The following WDR33 variants were observed in gnomAD, a reference collection of about 807,000 sequenced individuals.
WDR33 encodes the protein WD repeat domain 33, also known as pre-mRNA 3' end processing protein WDR33.
In WDR33, 47 loss-of-function variants were observed where a neutral mutation model predicts 164.9. The observed-to-expected ratio is 0.29, with a 90% CI of 0.23 to 0.36. WDR33 has a LOEUF of 0.36. Among genes scored for constraint, WDR33 ranks in the 10% least tolerant of loss-of-function variants. The pLI is 1.00. For missense variants in WDR33, 1,137 were observed against 1,754.1 expected (o/e 0.65, Z 6.28); for synonymous variants, 505 against 589.0 (o/e 0.86, Z 2.06).
chr2:127,800,132 C>T (rs1689184162), intron 1 of WDR33, among the ~76,000 whole-genome samples: 1 of 152,114 alleles, frequency 6.6e-6, no homozygotes. Context: ...TACCATGTGA[C>T]CCAGCAATTC....
Position 127,726,565 on chromosome 2 carries a change from A to G in WDR33, c.851+86T>C, listed in dbSNP as rs191262295. The G allele has an allele frequency of 2.3e-5, 35 of 1,533,690 alleles. No homozygotes were observed. The highest frequency in any genetic ancestry group is 2.7e-5 in the Non-Finnish European group (31 of 1,139,716). Reference sequence around the variant, plus strand: ...GCCTAAATGACTCTTCCAGAAATACATAAGAGAAAACAAAGCTAAAAGTTA... The same window carrying G: ...GCCTAAATGACTCTTCCAGAAATACGTAAGAGAAAACAAAGCTAAAAGTTA... On this transcript the variant is annotated intron_variant, in intron 8 of 21. Coordinates refer to ENST00000322313, the MANE Select transcript of WDR33 (RefSeq NM_018383.5). This position sits in a 1 kb window ranked among gnomAD's most constrained non-coding sequence, Gnocchi z 4.8.
intron 1 of WDR33, among the ~76,000 whole-genome samples, chr2:127,772,258 GAAAC>G (rs1005317904): frequency 6.6e-6 from 1 of 152,098 alleles, no homozygotes; most frequent in Admixed American, 6.5e-5. Context: ...CCAACATGGT[GAAAC>G]CCCGTCTCTA....
intron 7 of WDR33, among the ~76,000 whole-genome samples, chr2:127,740,383 T>G (rs1018899421): frequency 1.2e-4 from 18 of 147,764 alleles, no homozygotes; most frequent in Non-Finnish European, 2.6e-4. Context: ...GGATTTGTAT[T>G]TCTCTACACA....
In WDR33 at chr2:127,701,554, A is replaced by C. The variant is rs777910385; in HGVS notation, c.*4769T>G. ...ATGGCGGACCTCCACCGCCAGCTGC[A>C]GGAGTACCTGGCGCAGGGGAAAGCT... is the stretch of plus-strand genomic sequence containing the variant. On this transcript the variant is annotated 3_prime_UTR_variant, in exon 22 of 22. Coordinates refer to ENST00000322313, the MANE Select transcript of WDR33 (RefSeq NM_018383.5). 5.9e-6 allele frequency: 8 copies of C among 1,365,168 alleles called. No individual in the cohort carries two copies. The highest frequency in any genetic ancestry group is 7.6e-6 in the Non-Finnish European group (8 of 1,058,018). 84.6% of individuals were successfully genotyped at this position (1,365,168 alleles called of 1,614,324 possible). A position where few individuals can be genotyped will look rare whatever the true frequency, so the allele number is the denominator to read the frequency against.
chr2:127,747,105 T>G lies in WDR33; in HGVS notation c.724+15957A>C, dbSNP rs181224430. 3.4e-4 allele frequency among the ~76,000 whole-genome samples: 52 copies of G among 152,328 alleles called. No homozygotes were observed. The East Asian group carries it at 6.2e-3, about 18-fold the overall frequency. On this transcript the variant is annotated intron_variant, in intron 7 of 21. Coordinates refer to ENST00000322313, the MANE Select transcript of WDR33 (RefSeq NM_018383.5). Reference sequence around the variant, plus strand: ...TACAAAGCCTTATTTTCAAGGCACTTTAACCAAGAGAATACACCACAAATC... The same window carrying G: ...TACAAAGCCTTATTTTCAAGGCACTGTAACCAAGAGAATACACCACAAATC...
Position 127,717,229 on chromosome 2 carries a change from G to A in WDR33, c.2795C>T (p.Pro932Leu). ...TTGTGCTCCCTGCTGCCCTAGGCCTGGTATCAGGGGTGGGGGGCCTGTGCT... is the reference window on the plus strand; with the variant it reads ...TTGTGCTCCCTGCTGCCCTAGGCCTAGTATCAGGGGTGGGGGGCCTGTGCT... Reference protein sequence around the residue: ...GQSTGPPPLIPGLGQQGAQGR... With the variant: ...GQSTGPPPLILGLGQQGAQGR... The change falls in exon 17 of 22, where the codon CCA becomes CTA. Residue 932 changes from proline to leucine, a missense_variant. By Grantham distance (98) the Pro-to-Leu change is moderately conservative (BLOSUM62 -3). Coordinates refer to ENST00000322313, the MANE Select transcript of WDR33 (RefSeq NM_018383.5). This position sits in a 1 kb window ranked among gnomAD's most constrained non-coding sequence, Gnocchi z 5.6. 6.2e-7 allele frequency: 1 copy of A among 1,604,822 alleles called. No individual in the cohort carries two copies. The highest frequency in any genetic ancestry group is 1.3e-5 in the African/African-American group (1 of 74,658).
intron 7 of WDR33, among the ~76,000 whole-genome samples, chr2:127,732,431 C>T (rs1359778807): frequency 6.6e-6 from 1 of 152,050 alleles, no homozygotes; most frequent in Non-Finnish European, 1.5e-5. Context: ...AAATAATCCT[C>T]CTACCTCAGC....
chr2:127,742,617 A>G (rs1687051183), intron 7 of WDR33, among the ~76,000 whole-genome samples: 1 of 151,880 alleles, frequency 6.6e-6, no homozygotes, highest in Admixed American at 6.6e-5. Flanking sequence ...CCAGGAGACA[A>G]ACAGAAATCT....
intron 1 of WDR33, among the ~76,000 whole-genome samples, chr2:127,795,958 A>T (rs1689024400): frequency 6.6e-6 from 1 of 151,868 alleles, no homozygotes; most frequent in Non-Finnish European, 1.5e-5. Context: ...TTAGTTCTTT[A>T]AAAAAAAGTT....
chr2:127,797,388 A>T (rs1235193719), intron 1 of WDR33, among the ~76,000 whole-genome samples: 1 of 152,086 alleles, frequency 6.6e-6, no homozygotes, highest in African/African-American at 2.4e-5. Context: ...GCTACTTAGG[A>T]GGCTGAGGCA....
chr2:127,766,808 C>G (rs181226860), intron 4 of WDR33, among the ~76,000 whole-genome samples: 1 of 151,228 alleles, frequency 6.6e-6, no homozygotes, highest in Non-Finnish European at 1.5e-5. Flanking sequence ...TCGATCTTGT[C>G]GCCCAGGCTA....
chr2:127,702,169 C>T lies in WDR33; in HGVS notation c.*4154G>A, dbSNP rs1167193917. 3 of 1,214,326 alleles carry T rather than the reference C, an allele frequency of 2.5e-6. No individual in the cohort carries two copies. Among genetic ancestry groups the T allele is most frequent in the East Asian group, 3.3e-5 (1 of 29,944 alleles). 75.2% of individuals were successfully genotyped at this position (1,214,326 alleles called of 1,614,324 possible). A position where few individuals can be genotyped will look rare whatever the true frequency, so the allele number is the denominator to read the frequency against. On this transcript the variant is annotated 3_prime_UTR_variant, in exon 22 of 22. Coordinates refer to ENST00000322313, the MANE Select transcript of WDR33 (RefSeq NM_018383.5). ...GGCGCCGGCCTCGCCAAGGTGCTGC[C>T]CGTGTGAGGACCTCGCGCCCTCGCC...
At chr2:127,752,349 G>A (rs974609411) in intron 7 of WDR33, among the ~76,000 whole-genome samples, 1 of 151,970 alleles carries the variant, frequency 6.6e-6, no homozygotes, top group African/African-American at 2.4e-5. Flanking sequence ...CCAGCACTTT[G>A]GGAGGCCGAG....
chr2:127,755,427 C>T (rs1687490413), intron 7 of WDR33, among the ~76,000 whole-genome samples: 1 of 152,196 alleles, frequency 6.6e-6, no homozygotes. Context: ...AGCCATGTTC[C>T]TCTACCATGA....
chr2:127,808,920 C>T (rs1298325086), intron 1 of WDR33, among the ~76,000 whole-genome samples: 1 of 151,636 alleles, frequency 6.6e-6, no homozygotes, highest in East Asian at 1.9e-4. Flanking sequence ...GTCCCAGCTA[C>T]TCGGGAGGCT....
intron 1 of WDR33, among the ~76,000 whole-genome samples, chr2:127,792,827 T>C (rs1688887821): frequency 6.6e-6 from 1 of 152,160 alleles, no homozygotes; most frequent in African/African-American, 2.4e-5. Context: ...TCTGTTATCT[T>C]AGGAGAAAAT....
intron 21 of WDR33, among the ~76,000 whole-genome samples, chr2:127,707,242 A>G (rs952189694): frequency 3.3e-5 from 5 of 151,598 alleles, no homozygotes; most frequent in African/African-American, 9.7e-5. Flanking sequence ...AAAAAAAAAA[A>G]AAAGAAAAAA....
Position 127,709,880 on chromosome 2 carries a change from G to A in WDR33, c.3309-24C>T, listed in dbSNP as rs763294698. On this transcript the variant is annotated intron_variant, in intron 18 of 21. Coordinates refer to ENST00000322313, the MANE Select transcript of WDR33 (RefSeq NM_018383.5). The surrounding 1 kb of genome is among the most constrained non-coding windows in gnomAD (Gnocchi z 5.0). ...AACTGTAAAGAGAAAACAGCAGAAT[G>A]TCCATCTCAGAGAACACCTTGCCAC... The A allele has an allele frequency of 6.2e-7, 1 of 1,611,288 alleles. No individual in the cohort carries two copies. Among genetic ancestry groups the A allele is most frequent in the Non-Finnish European group, 8.5e-7 (1 of 1,178,830 alleles).
chr2:127,750,718 GTATGCATACATATA>G (rs1687324646), intron 7 of WDR33, among the ~76,000 whole-genome samples: 2 of 40,224 alleles, frequency 5.0e-5, no homozygotes, highest in Non-Finnish European at 8.2e-5. Context: ...ATATATGTAT[GTATGCATACATATA>G]TATGTATGCA....
Sources: allele counts gnomAD v4.1 joint callset (sites outside exome capture counted in the v4.1 genomes callset), GRCh38; gene constraint gnomAD v4.1.1; non-coding constraint Gnocchi (gnomAD v3.1); transcripts MANE v1.5; gene names NCBI Gene and HGNC (gene_info 2026-07-23, HGNC 2026-07-21).